The following CSMD3 variants were observed in gnomAD, a reference collection of about 807,000 sequenced individuals.
CSMD3 encodes the protein CUB and sushi domain-containing protein 3.
CSMD3 carries 177 observed loss-of-function variants against 435.2 expected under a neutral mutation model. The observed-to-expected ratio is 0.41, with a 90% CI of 0.36 to 0.46. The LOEUF is 0.46. CSMD3 is among the 20% of genes least tolerant of loss of function. The pLI, the probability that CSMD3 is intolerant of heterozygous loss-of-function variation, is 0.34. For missense variants in CSMD3, 4,265 were observed against 4,504.6 expected (o/e 0.95, Z 1.52); for synonymous variants, 1,656 against 1,520.5 (o/e 1.09, Z -2.07).
At chr8:113,410,246 T>C (rs2094552038) in intron 1 of CSMD3, among the ~76,000 whole-genome samples, 1 of 152,202 alleles carries the variant, frequency 6.6e-6, no homozygotes, top group South Asian at 2.1e-4. Flanking sequence ...CTGTCCTATT[T>C]ACCCCTCCAA....
intron 32 of CSMD3, among the ~76,000 whole-genome samples, chr8:112,470,321 TA>T (rs1350333619): frequency 2.6e-5 from 4 of 152,048 alleles, no homozygotes; most frequent in Admixed American, 6.6e-5. Flanking sequence ...GAAGAGGGGA[TA>T]GGGGAAGTTT....
At chr8:113,166,308 C>T (rs2092148291) in intron 4 of CSMD3, among the ~76,000 whole-genome samples, 1 of 152,032 alleles carries the variant, frequency 6.6e-6, no homozygotes, top group Admixed American at 6.6e-5. Context: ...AGTTCAAGGC[C>T]AGGCTGACCA....
intron 5 of CSMD3, among the ~76,000 whole-genome samples, chr8:113,094,063 C>G (rs913847177): frequency 1.3e-5 from 2 of 152,114 alleles, no homozygotes; most frequent in African/African-American, 2.4e-5. Context: ...CAACCTACAT[C>G]TTACCAATTG....
intron 5 of CSMD3, among the ~76,000 whole-genome samples, chr8:113,071,361 T>C (rs1297452233): frequency 1.3e-5 from 2 of 151,936 alleles, no homozygotes; most frequent in Non-Finnish European, 2.9e-5. Context: ...TTTTTGCCTG[T>C]GCTTTCAGTG....
At chr8:112,506,949 A>G in intron 28 of CSMD3, 120 bp from the exon 29 acceptor site, 2 of 804,810 alleles carry the variant, frequency 2.5e-6, no homozygotes, top group East Asian at 2.7e-5. Flanking sequence ...CCTGAATTTT[A>G]TAGTACTTGA....
chr8:113,386,997 TG>T (rs2094442173), intron 1 of CSMD3, among the ~76,000 whole-genome samples: 1 of 151,790 alleles, frequency 6.6e-6, no homozygotes, highest in Non-Finnish European at 1.5e-5. Context: ...AAACTAAACC[TG>T]GGAAAATGAT....
At chr8:113,197,757 T>C (rs1001595865) in intron 3 of CSMD3, among the ~76,000 whole-genome samples, 2 of 151,288 alleles carry the variant, frequency 1.3e-5, no homozygotes, top group Non-Finnish European at 3.0e-5. Flanking sequence ...CAATAATAAT[T>C]GTAAACATCA....
intron 40 of CSMD3, among the ~76,000 whole-genome samples, chr8:112,349,653 CAT>C (rs1332876665): frequency 6.6e-6 from 1 of 151,930 alleles, no homozygotes; most frequent in African/African-American, 2.4e-5. Flanking sequence ...TTCAGAATTG[CAT>C]TACATGTATA....
intron 1 of CSMD3, among the ~76,000 whole-genome samples, chr8:113,399,002 A>G (rs2133192529): frequency 6.7e-6 from 1 of 149,836 alleles, no homozygotes; most frequent in South Asian, 2.1e-4. Context: ...TCTTTGTTGC[A>G]GGAAAAAAAG....
intron 5 of CSMD3, 165 bp downstream of exon 5, chr8:113,098,591 G>T: frequency 3.3e-6 from 2 of 608,206 alleles, no homozygotes; most frequent in Non-Finnish European, 2.9e-6. Context: ...TATGTAAATA[G>T]CTCGATCTTC....
intron 6 of CSMD3, among the ~76,000 whole-genome samples, chr8:113,015,216 G>A (rs899653266): frequency 1.3e-5 from 2 of 152,026 alleles, no homozygotes; most frequent in South Asian, 2.1e-4. Context: ...GGGCATTTTC[G>A]ATATGGTTTG....
chr8:112,751,553 T>G (rs2077570152), intron 13 of CSMD3, among the ~76,000 whole-genome samples: 1 of 151,976 alleles, frequency 6.6e-6, no homozygotes, highest in South Asian at 2.1e-4. Context: ...TTTGCAAATA[T>G]TCTTATGGAT....
chr8:112,363,632 T>C (rs993293799), intron 38 of CSMD3, among the ~76,000 whole-genome samples: 1 of 151,846 alleles, frequency 6.6e-6, no homozygotes, highest in African/African-American at 2.4e-5. Context: ...TTTACAAAAT[T>C]CAGAAACCTA....
chr8:113,075,207 A>T (rs1458095352), intron 5 of CSMD3, among the ~76,000 whole-genome samples: 8 of 151,814 alleles, frequency 5.3e-5, no homozygotes, highest in Admixed American at 4.6e-4. Flanking sequence ...TTAAAAACAA[A>T]TTTTAATAAT....
intron 54 of CSMD3, among the ~76,000 whole-genome samples, chr8:112,295,619 T>A (rs1299331371): frequency 2.0e-5 from 3 of 151,786 alleles, no homozygotes; most frequent in Non-Finnish European, 2.9e-5. Context: ...AGAGCTAAAT[T>A]TAATTTATTA....
At chr8:112,361,555 G>GTA (rs1444321339) in intron 38 of CSMD3, among the ~76,000 whole-genome samples, 3 of 105,880 alleles carry the variant, frequency 2.8e-5, no homozygotes, top group Non-Finnish European at 4.0e-5. Context: ...AAGTGTGTAT[G>GTA]TATATATATA....
At chr8:112,670,517 A>G (rs2075631648) in intron 16 of CSMD3, among the ~76,000 whole-genome samples, 1 of 152,178 alleles carries the variant, frequency 6.6e-6, no homozygotes, top group African/African-American at 2.4e-5. Context: ...TGTTGCAACT[A>G]TCTAGGAAAG....
intron 13 of CSMD3, among the ~76,000 whole-genome samples, chr8:112,748,478 C>A (rs144555612): frequency 6.6e-6 from 1 of 151,930 alleles, no homozygotes; most frequent in Admixed American, 6.6e-5. Context: ...ATCTTTTCTG[C>A]GCCTCTCCCT....
At chr8:113,201,074 A>G (rs2092711691) in intron 3 of CSMD3, among the ~76,000 whole-genome samples, 2 of 151,962 alleles carry the variant, frequency 1.3e-5, no homozygotes, top group South Asian at 4.1e-4. Flanking sequence ...ACTTCATGTG[A>G]AAGATCTCCT....
Sources: gnomAD v4.1 joint callset for allele counts (sites outside exome capture counted in the v4.1 genomes callset) on GRCh38, gnomAD v4.1.1 for gene constraint, MANE v1.5 for transcripts, NCBI Gene and HGNC (gene_info 2026-07-23, HGNC 2026-07-21) for gene names.